Variants in SOAT1 observed in about 807,000 individuals in gnomAD.
SOAT1 encodes sterol O-acyltransferase 1, also known as acyl-coenzyme A:cholesterol acyltransferase 1.
SOAT1 carries 55 observed loss-of-function variants against 69.5 expected under a neutral mutation model. That is an observed-to-expected ratio of 0.79 (90% confidence interval 0.64 to 0.99). The LOEUF is 0.99. SOAT1 is among the 50% of genes least tolerant of loss of function. The pLI is 0.00. For synonymous variants in SOAT1, 231 were observed against 224.7 expected (o/e 1.03, Z -0.25); for missense variants, 580 against 669.3 (o/e 0.87, Z 1.47).
rs576991475 is a variant in SOAT1 at position 179,305,009 on chromosome 1, A to G, written c.118+2207A>G. 2.6e-5 allele frequency among the ~76,000 whole-genome samples: 4 copies of G among 152,352 alleles called. No homozygotes were observed. In the South Asian group the frequency reaches 8.3e-4, roughly 32 times the overall value. The stretch of plus-strand genomic sequence containing the variant: ...TTAAAGTCACCATTTTAAAGTTTAC[A>G]ATTCAGTGGTTGCTAATATATTTAC... On this transcript the variant is annotated intron_variant, in intron 2 of 15. Transcript: ENST00000367619.
chr1:179,318,628 G>A (rs1665478991), intron 2 of SOAT1, among the ~76,000 whole-genome samples: 3 of 151,928 alleles, frequency 2.0e-5, no homozygotes, highest in South Asian at 2.1e-4. Flanking sequence ...CCATAACCCC[G>A]CGCCTCACTC....
chr1:179,302,674 T>G lies in SOAT1; in HGVS notation c.-8-3T>G. ...CGAAAGCTTTTTACACCTTCTTTCC[T>G]AGACAATACAATGGTGGGTGAAGAG... On this transcript the variant is annotated splice_polypyrimidine_tract_variant and splice_region_variant and intron_variant, in intron 1 of 15. Transcript: ENST00000367619. The G allele has an allele frequency of 6.3e-7, 1 of 1,580,964 alleles. No homozygotes were observed. The highest frequency in any genetic ancestry group is 8.6e-7 in the Non-Finnish European group (1 of 1,166,704).
rs142237343 is a variant in SOAT1 at position 179,295,147 on chromosome 1, GCA to G, written c.-9+1215_-9+1216del. The stretch of plus-strand genomic sequence containing the variant: ...TTTAGGATAAAGACCTACTGAGTGA[GCA>G]CACTCTATCTCTGGTTCATTTGGCC... On this transcript the variant is annotated intron_variant, in intron 1 of 15. Transcript: ENST00000367619. 7.5e-3 allele frequency among the ~76,000 whole-genome samples: 1,141 copies of G among 152,258 alleles called. 13 individuals carry two copies. Among genetic ancestry groups the G allele is most frequent in the African/African-American group, 0.025 (1,048 of 41,544 alleles).
At chr1:179,329,769 G>T (rs569678304) in intron 3 of SOAT1, among the ~76,000 whole-genome samples, 1 of 151,886 alleles carries the variant, frequency 6.6e-6, no homozygotes. Context: ...TTTATTGGCC[G>T]ACTGCTGGAG....
chr1:179,309,641 A>ATT (rs60910949), intron 2 of SOAT1, among the ~76,000 whole-genome samples: 7 of 151,792 alleles, frequency 4.6e-5, no homozygotes, highest in African/African-American at 9.7e-5. Context: ...TTGACCATGT[A>ATT]TTTTTTTTCT....
At chr1:179,351,114 G>A (rs13306727) in intron 14 of SOAT1, among the ~76,000 whole-genome samples, 4 of 144,864 alleles carry the variant, frequency 2.8e-5, no homozygotes, top group African/African-American at 1.0e-4. Context: ...TATGATCTCA[G>A]CTCACTGCAA....
At chr1:179,316,498 G>A (rs1380127181) in intron 2 of SOAT1, among the ~76,000 whole-genome samples, 3 of 152,170 alleles carry the variant, frequency 2.0e-5, no homozygotes, top group African/African-American at 7.2e-5. Context: ...CCGGGTTCAA[G>A]CGATACTCCT....
chr1:179,339,212 G>A (rs1666252162), intron 5 of SOAT1, among the ~76,000 whole-genome samples: 1 of 152,048 alleles, frequency 6.6e-6, no homozygotes, highest in South Asian at 2.1e-4. Context: ...CTTAACATTT[G>A]AAATAGTTTG....
At chr1:179,345,103 C>T in intron 11 of SOAT1, 27 bp downstream of exon 11, 1 of 1,610,892 alleles carries the variant, frequency 6.2e-7, no homozygotes, top group Non-Finnish European at 8.5e-7. Context: ...TTAATTTGGT[C>T]ATGCATAAAT....
intron 13 of SOAT1, among the ~76,000 whole-genome samples, chr1:179,349,351 G>C (rs1666644045): frequency 9.8e-6 from 1 of 102,072 alleles, no homozygotes; most frequent in Non-Finnish European, 2.0e-5. Context: ...TTTTTTGAGA[G>C]AGTTTCGCTC....
intron 1 of SOAT1, among the ~76,000 whole-genome samples, chr1:179,302,336 T>C (rs948324272): frequency 6.6e-6 from 1 of 152,238 alleles, no homozygotes; most frequent in Non-Finnish European, 1.5e-5. Context: ...ATCTCATCTC[T>C]AACTGTAATC....
intron 7 of SOAT1, among the ~76,000 whole-genome samples, chr1:179,341,653 G>A (rs1332548898): frequency 6.6e-6 from 1 of 151,376 alleles, no homozygotes; most frequent in Non-Finnish European, 1.5e-5. Context: ...TTCTGCCTCA[G>A]CCTCCCAAGT....
At chr1:179,305,501 G>A (rs200522726) in intron 2 of SOAT1, among the ~76,000 whole-genome samples, 1 of 149,458 alleles carries the variant, frequency 6.7e-6, no homozygotes, top group Non-Finnish European at 1.5e-5. Flanking sequence ...TTTTGGGGGG[G>A]TTATTTACAA....
Position 179,343,386 on chromosome 1 carries a change from G to A in SOAT1, c.942-204G>A, listed in dbSNP as rs557042047. Among the ~76,000 whole-genome samples, 518 of 140,462 alleles carry A rather than the reference G, an allele frequency of 3.7e-3. 3 individuals carry two copies. The highest frequency in any genetic ancestry group is 0.013 in the African/African-American group (479 of 35,690). 92.1% of individuals were successfully genotyped at this position (140,462 alleles called of 152,430 possible). A position where few individuals can be genotyped will look rare whatever the true frequency, so the allele number is the denominator to read the frequency against. ...ATTACAGGTGTGTGCCACCACGCCC[G>A]GTTGGTTTTTTTGTATTTTTATTAG... On this transcript the variant is annotated intron_variant, in intron 9 of 15. Coordinates refer to ENST00000367619, the MANE Select transcript of SOAT1 (RefSeq NM_003101.6).
intron 3 of SOAT1, among the ~76,000 whole-genome samples, chr1:179,332,717 A>G (rs1571436714): frequency 6.6e-6 from 1 of 152,312 alleles, no homozygotes; most frequent in Admixed American, 6.5e-5. Context: ...CTGATACCAG[A>G]CATTATTCAG....
At chr1:179,329,904 A>G (rs1665916827) in intron 3 of SOAT1, among the ~76,000 whole-genome samples, 1 of 152,112 alleles carries the variant, frequency 6.6e-6, no homozygotes, top group East Asian at 1.9e-4. Flanking sequence ...TCTTTTTCTC[A>G]TGTCAACAGT....
chr1:179,332,145 T>A (rs1225177902), intron 3 of SOAT1, among the ~76,000 whole-genome samples: 1 of 152,214 alleles, frequency 6.6e-6, no homozygotes, highest in Non-Finnish European at 1.5e-5. Flanking sequence ...CCTTTTTTCA[T>A]TGTAATACTC....
chr1:179,339,439 G>T lies in SOAT1; in HGVS notation c.391G>T (p.Glu131Ter). The T allele has an allele frequency of 6.3e-7, 1 of 1,588,822 alleles. No homozygotes were observed. Among genetic ancestry groups the T allele is most frequent in the Non-Finnish European group, 8.6e-7 (1 of 1,168,158 alleles). Residue 131 changes from glutamate (E) to a stop codon, truncating the protein, a stop_gained and splice_region_variant, in exon 6 of 16, where the codon GAA becomes TAA. Transcript: ENST00000367619. LOFTEE classifies it high-confidence loss of function. ...GTTTTGTTTGAACTACATTTACAGT[G>T]AACTGCTTGAAGTGGACCACATCAG... ...IFIARRSLLD[E>*]LLEVDHIRTI... is the part of the protein sequence containing the mutation.
Position 179,302,809 on chromosome 1 carries a change from C to T in SOAT1, c.118+7C>T, listed in dbSNP as rs762196426. 5 of 1,513,814 alleles carry T rather than the reference C, an allele frequency of 3.3e-6. No individual in the cohort carries two copies. The African/African-American group carries it at 5.7e-5, about 17-fold the overall frequency. The allele number at this position is 1,513,814 out of a possible 1,614,324, so 93.8% of individuals were successfully genotyped here. A position where few individuals can be genotyped will look rare whatever the true frequency, so the allele number is the denominator to read the frequency against. ...CTAGAGACACCTAGTAATGGTGAGGCTTAATTTTTTTTTTTTAGGTGAATT... is the reference window on the plus strand; with the variant it reads ...CTAGAGACACCTAGTAATGGTGAGGTTTAATTTTTTTTTTTTAGGTGAATT... On this transcript the variant is annotated splice_region_variant and intron_variant, in intron 2 of 15. Coordinates refer to ENST00000367619, the MANE Select transcript of SOAT1 (RefSeq NM_003101.6).
Sources: allele counts gnomAD v4.1 joint callset (sites outside exome capture counted in the v4.1 genomes callset), GRCh38; gene constraint gnomAD v4.1.1; transcripts MANE v1.5; gene names NCBI Gene and HGNC (gene_info 2026-07-23, HGNC 2026-07-21).